Variants in ABHD17C observed in about 807,000 individuals in gnomAD.
The protein encoded by ABHD17C is alpha/beta hydrolase domain-containing protein 17C.
Under a neutral mutation model 27.9 loss-of-function variants are expected in ABHD17C, and 11 were observed. The observed-to-expected ratio is 0.39, with a 90% CI of 0.25 to 0.65. ABHD17C has a LOEUF of 0.65. Ranked by LOEUF, ABHD17C falls within the 30% of genes least tolerant of loss-of-function variation. ABHD17C has a pLI of 0.45. For missense variants in ABHD17C, 280 were observed against 470.2 expected (o/e 0.60, Z 3.74); for synonymous variants, 233 against 209.1 (o/e 1.11, Z -0.98).
chr15:80,747,536 A>C (rs1252310052), intron 1 of ABHD17C, among the ~76,000 whole-genome samples: 3 of 152,126 alleles, frequency 2.0e-5, no homozygotes, highest in African/African-American at 7.2e-5. Context: ...TTTGTGTTTG[A>C]AAATCCGTGG....
At chr15:80,704,787 CA>C (rs1459017563) in intron 1 of ABHD17C, 1 of 152,192 alleles carries the variant, frequency 6.6e-6, no homozygotes, top group African/African-American at 2.4e-5. Context: ...ACACAGAGCT[CA>C]GTCTGACAAG....
intron 1 of ABHD17C, among the ~76,000 whole-genome samples, chr15:80,739,633 G>T (rs2062315): frequency 0.93 from 141,853 of 152,236 alleles, 66,130 homozygotes; most frequent in East Asian, 0.97. Flanking sequence ...GACACGCTGC[G>T]TCCCCCTTCA....
chr15:80,701,874 T>C (rs190653176), intron 1 of ABHD17C, among the ~76,000 whole-genome samples: 1 of 152,248 alleles, frequency 6.6e-6, no homozygotes, highest in East Asian at 1.9e-4. Flanking sequence ...CTCAGAGCCC[T>C]TCTCTTTGGT....
intron 1 of ABHD17C, among the ~76,000 whole-genome samples, chr15:80,706,432 C>A (rs540816651): frequency 6.6e-6 from 1 of 152,310 alleles, no homozygotes; most frequent in African/African-American, 2.4e-5. Context: ...TAACAGAGTA[C>A]TGTTTAAATT....
intron 1 of ABHD17C, among the ~76,000 whole-genome samples, chr15:80,714,236 G>A (rs570244891): frequency 9.9e-4 from 151 of 152,306 alleles, no homozygotes; most frequent in South Asian, 3.1e-3. Flanking sequence ...GATTACAGGC[G>A]TGAGCCATCA....
intron 1 of ABHD17C, among the ~76,000 whole-genome samples, chr15:80,738,200 G>A (rs1895160272): frequency 6.6e-6 from 1 of 152,126 alleles, no homozygotes; most frequent in Non-Finnish European, 1.5e-5. Context: ...TATGCTGTTA[G>A]CGTGAGTCAG....
intron 1 of ABHD17C, among the ~76,000 whole-genome samples, chr15:80,706,784 A>C (rs1427474941): frequency 6.6e-6 from 1 of 152,206 alleles, no homozygotes; most frequent in Non-Finnish European, 1.5e-5. Context: ...TTGTCTGCTG[A>C]TCTCACTTAA....
intron 1 of ABHD17C, among the ~76,000 whole-genome samples, chr15:80,709,153 T>C (rs748103278): frequency 1.3e-4 from 19 of 151,702 alleles, no homozygotes; most frequent in Non-Finnish European, 2.6e-4. Context: ...CTTTTATAAA[T>C]ATATGTATAT....
chr15:80,734,297 A>G (rs12591734), intron 1 of ABHD17C, among the ~76,000 whole-genome samples: 14,436 of 152,236 alleles, frequency 0.095, 838 homozygotes, highest in East Asian at 0.16. Context: ...GATGTTTTAT[A>G]TAAGCCAGCT....
intron 1 of ABHD17C, among the ~76,000 whole-genome samples, 157 bp from the exon 2 acceptor site, chr15:80,749,356 A>G (rs1238563655): frequency 2.0e-5 from 3 of 152,324 alleles, no homozygotes; most frequent in Admixed American, 1.3e-4. Context: ...GTTTTTGTCA[A>G]GCTCACATTC....
chr15:80,713,072 C>T (rs1197763595), intron 1 of ABHD17C, among the ~76,000 whole-genome samples: 1 of 152,000 alleles, frequency 6.6e-6, no homozygotes, highest in Non-Finnish European at 1.5e-5. Context: ...CCTCTTATTA[C>T]TACTTTGTAA....
rs536678288 is a variant in ABHD17C at position 80,731,967 on chromosome 15, T to C, written c.591-17546T>C. ...TGTGCAGCCATCACCACCATTCATC[T>C]CTAGAACTTCATCTTCTCAAACTGA... On this transcript the variant is annotated intron_variant, in intron 1 of 2. Coordinates refer to ENST00000258884, the MANE Select transcript of ABHD17C (RefSeq NM_021214.2). Among the ~76,000 whole-genome samples, 3 of 152,346 alleles carry C rather than the reference T, an allele frequency of 2.0e-5. No homozygotes were observed. In the South Asian group the frequency reaches 6.2e-4, roughly 32 times the overall value.
intron 2 of ABHD17C, among the ~76,000 whole-genome samples, chr15:80,751,478 A>C (rs533509467): frequency 6.6e-6 from 1 of 152,334 alleles, no homozygotes; most frequent in South Asian, 2.1e-4. Context: ...ACAGTGGCTT[A>C]CACCTGTAAT....
rs1233121423 is a variant in ABHD17C, at chr15:80,708,576, G to A, written c.590+12557G>A. 3.9e-5 allele frequency among the ~76,000 whole-genome samples: 6 copies of A among 152,192 alleles called. No individual in the cohort carries two copies. The East Asian group carries it at 5.8e-4, about 15-fold the overall frequency. Reference sequence around the variant, plus strand: ...AAGCAATCCTCCCGCCTCAGCCTCCGAAAGTGCTGGGATTATAGGAGTGAA... The same window carrying A: ...AAGCAATCCTCCCGCCTCAGCCTCCAAAAGTGCTGGGATTATAGGAGTGAA... On this transcript the variant is annotated intron_variant, in intron 1 of 2. Transcript: ENST00000258884.
intron 1 of ABHD17C, among the ~76,000 whole-genome samples, chr15:80,726,900 A>T (rs1005184342): frequency 3.9e-5 from 6 of 152,136 alleles, no homozygotes; most frequent in Non-Finnish European, 8.8e-5. Context: ...TCTTAAGTTG[A>T]TCCCTTTATA....
chr15:80,722,280 A>C (rs11072936), intron 1 of ABHD17C, among the ~76,000 whole-genome samples: 15,270 of 142,166 alleles, frequency 0.11, 1,450 homozygotes, highest in East Asian at 0.57. Context: ...AAGTGAACAG[A>C]TGGGCTCAGG....
chr15:80,700,645 C>G (rs1261307666), intron 1 of ABHD17C, among the ~76,000 whole-genome samples: 2 of 152,106 alleles, frequency 1.3e-5, no homozygotes, highest in Non-Finnish European at 2.9e-5. Context: ...TACCTGTAAA[C>G]CCAGCAATTT....
At chr15:80,745,766 A>ACC (rs1006859358) in intron 1 of ABHD17C, among the ~76,000 whole-genome samples, 2 of 152,128 alleles carry the variant, frequency 1.3e-5, no homozygotes, top group African/African-American at 2.4e-5. Context: ...AACCGCCTGT[A>ACC]CCCCCAAAAC....
At chr15:80,746,882 T>C (rs1298968255) in intron 1 of ABHD17C, among the ~76,000 whole-genome samples, 1 of 152,228 alleles carries the variant, frequency 6.6e-6, no homozygotes, top group Non-Finnish European at 1.5e-5. Flanking sequence ...TCATAAGAAG[T>C]AAAATGAACA....
Sources: gnomAD v4.1 joint callset for allele counts (sites outside exome capture counted in the v4.1 genomes callset) on GRCh38, gnomAD v4.1.1 for gene constraint, MANE v1.5 for transcripts, NCBI Gene and HGNC (gene_info 2026-07-23, HGNC 2026-07-21) for gene names.